LRP1B: variants seen among roughly 807,000 people sequenced by gnomAD.
LRP1B encodes the protein low-density lipoprotein receptor-related protein 1B.
In LRP1B, 217 loss-of-function variants were observed where a neutral mutation model predicts 556.6. That is an observed-to-expected ratio of 0.39 (90% confidence interval 0.35 to 0.44). LRP1B has a LOEUF of 0.44. LRP1B is among the 20% of genes least tolerant of loss of function. The pLI is 1.00. For missense variants in LRP1B, 5,053 were observed against 5,620.8 expected, an observed-to-expected ratio of 0.90 and a Z score of 3.23; for synonymous variants, 2,047 against 1,865.8, an observed-to-expected ratio of 1.10 and a Z score of -2.50.
intron 7 of LRP1B, among the ~76,000 whole-genome samples, chr2:141,184,137 C>T (rs1017636561): frequency 3.9e-5 from 6 of 152,034 alleles, no homozygotes; most frequent in African/African-American, 1.4e-4. Flanking sequence ...TTCAAAAATG[C>T]AGTTCCACAG....
chr2:141,553,650 A>G (rs951027324), intron 2 of LRP1B, among the ~76,000 whole-genome samples: 1 of 145,620 alleles, frequency 6.9e-6, no homozygotes, highest in Admixed American at 7.1e-5. Flanking sequence ...CATATATAAT[A>G]TATAATTTTA....
chr2:141,448,679 G>A (rs1218533529), intron 3 of LRP1B, among the ~76,000 whole-genome samples: 2 of 152,148 alleles, frequency 1.3e-5, no homozygotes, highest in African/African-American at 2.4e-5. Flanking sequence ...AACTTCCCAG[G>A]TGAAGCGACA....
chr2:141,715,295 C>T (rs548418453), intron 2 of LRP1B, among the ~76,000 whole-genome samples: 17 of 150,868 alleles, frequency 1.1e-4, no homozygotes, highest in African/African-American at 4.2e-4. Context: ...TAGTGAGACC[C>T]TATCTCTTCA....
At chr2:140,851,369 G>A (rs986250009) in intron 28 of LRP1B, among the ~76,000 whole-genome samples, 2 of 151,990 alleles carry the variant, frequency 1.3e-5, no homozygotes, top group Non-Finnish European at 2.9e-5. Context: ...GTTTTGCAGA[G>A]ATAAACTCTG....
intron 85 of LRP1B, among the ~76,000 whole-genome samples, chr2:140,270,875 A>G (rs1263354790): frequency 6.6e-6 from 1 of 151,990 alleles, no homozygotes; most frequent in Non-Finnish European, 1.5e-5. Flanking sequence ...TTTCTCTTTG[A>G]GTATGTACTG....
At chr2:141,277,736 G>A (rs1430424263) in intron 3 of LRP1B, among the ~76,000 whole-genome samples, 1 of 149,332 alleles carries the variant, frequency 6.7e-6, no homozygotes, top group Non-Finnish European at 1.5e-5. Flanking sequence ...CCCAGGGAAA[G>A]AATGTGAGGT....
intron 58 of LRP1B, among the ~76,000 whole-genome samples, chr2:140,486,596 AAAT>A (rs1454253694): frequency 6.6e-6 from 1 of 151,926 alleles, no homozygotes; most frequent in African/African-American, 2.4e-5. Context: ...TATCTTAAAA[AAAT>A]ATAAAGGTAA....
chr2:140,444,495 A>T (rs2105304591), intron 64 of LRP1B, 46 bp from the exon 65 acceptor site: 1 of 1,613,400 alleles, frequency 6.2e-7, no homozygotes, highest in Non-Finnish European at 8.5e-7. Flanking sequence ...TGTCTGAATT[A>T]AAATCACACA....
At chr2:141,190,360 G>A (rs1681454627) in intron 6 of LRP1B, among the ~76,000 whole-genome samples, 1 of 151,944 alleles carries the variant, frequency 6.6e-6, no homozygotes, top group Non-Finnish European at 1.5e-5. Flanking sequence ...CAGGGTAGAA[G>A]CAAAGTTCTT....
chr2:141,013,525 C>A (rs1275516739), intron 14 of LRP1B, 31 bp downstream of exon 14: 4 of 1,531,914 alleles, frequency 2.6e-6, no homozygotes, highest in African/African-American at 2.8e-5. Context: ...ATATGTGAAT[C>A]TCAGAAGCAT....
At chr2:141,126,024 C>A (rs1159711848) in intron 7 of LRP1B, among the ~76,000 whole-genome samples, 1 of 134,970 alleles carries the variant, frequency 7.4e-6, no homozygotes, top group Non-Finnish European at 1.6e-5. Flanking sequence ...TTGATAGCTA[C>A]TTTCTTCCTT....
chr2:141,088,466 G>T (rs563781615), intron 7 of LRP1B, among the ~76,000 whole-genome samples: 2 of 151,978 alleles, frequency 1.3e-5, no homozygotes, highest in Middle Eastern at 3.2e-3. Flanking sequence ...TGAAAATGAC[G>T]GCTTGAGACC....
At chr2:141,272,074 TCTCTCAGC>T (rs2105370572) in intron 3 of LRP1B, among the ~76,000 whole-genome samples, 1 of 152,162 alleles carries the variant, frequency 6.6e-6, no homozygotes, top group South Asian at 2.1e-4. Context: ...TAACCTGTCT[TCTCTCAGC>T]CTCTATAAAA....
intron 15 of LRP1B, among the ~76,000 whole-genome samples, chr2:140,999,677 C>A (rs1474407): frequency 6.6e-6 from 1 of 151,800 alleles, no homozygotes; most frequent in Non-Finnish European, 1.5e-5. Context: ...GCTACTGAAG[C>A]GTGTGCTTAG....
intron 7 of LRP1B, among the ~76,000 whole-genome samples, chr2:141,148,833 C>T (rs1701849150): frequency 1.3e-5 from 2 of 152,068 alleles, no homozygotes; most frequent in Non-Finnish European, 2.9e-5. Flanking sequence ...CCTGTAATCC[C>T]AACACTGTGG....
At chr2:140,295,132 C>T (rs1284627399) in intron 84 of LRP1B, among the ~76,000 whole-genome samples, 1 of 152,084 alleles carries the variant, frequency 6.6e-6, no homozygotes, top group Non-Finnish European at 1.5e-5. Context: ...CGGGCCTCAG[C>T]CTCTCAAAGT....
At chr2:140,312,055 CTT>C (rs1684326552) in intron 83 of LRP1B, among the ~76,000 whole-genome samples, 1 of 151,430 alleles carries the variant, frequency 6.6e-6, no homozygotes, top group African/African-American at 2.4e-5. Context: ...AAGGAATGCT[CTT>C]TACTTCCGGG....
chr2:141,170,719 G>A (rs904555616), intron 7 of LRP1B, among the ~76,000 whole-genome samples: 8 of 152,026 alleles, frequency 5.3e-5, no homozygotes, highest in African/African-American at 1.9e-4. Flanking sequence ...TGGCCTTAAA[G>A]AGTTAAGATT....
chr2:140,934,005 AC>A (rs1695129342), intron 20 of LRP1B, among the ~76,000 whole-genome samples: 1 of 152,056 alleles, frequency 6.6e-6, no homozygotes, highest in Non-Finnish European at 1.5e-5. Flanking sequence ...TTAATAATTA[AC>A]ATTGTTTATA....
Sources: gnomAD v4.1 joint callset for allele counts (sites outside exome capture counted in the v4.1 genomes callset) on GRCh38, gnomAD v4.1.1 for gene constraint, MANE v1.5 for transcripts, NCBI Gene and HGNC (gene_info 2026-07-23, HGNC 2026-07-21) for gene names.